CADPS2: variants seen among roughly 807,000 people sequenced by gnomAD.
CADPS2 encodes the protein calcium-dependent secretion activator 2.
A neutral mutation model predicts 172.5 loss-of-function variants in CADPS2; 93 were observed. The ratio of observed to expected loss-of-function variants is 0.54; its 90% confidence interval spans 0.46 to 0.64. The LOEUF is 0.64. CADPS2 is among the 30% of genes least tolerant of loss of function. The pLI is 0.00. For missense variants in CADPS2, 1,420 were observed against 1,565.9 expected (o/e 0.91, Z 1.57); for synonymous variants, 546 against 555.2 (o/e 0.98, Z 0.23).
At chr7:122,402,062 G>A (rs943514449) in intron 20 of CADPS2, among the ~76,000 whole-genome samples, 1 of 151,924 alleles carries the variant, frequency 6.6e-6, no homozygotes, top group African/African-American at 2.4e-5. Flanking sequence ...AATAGAAACC[G>A]AATTTGCTGT....
At chr7:122,775,749 T>TA (rs2093860838) in intron 1 of CADPS2, among the ~76,000 whole-genome samples, 1 of 152,224 alleles carries the variant, frequency 6.6e-6, no homozygotes, top group Non-Finnish European at 1.5e-5. Context: ...TCCTGGATTG[T>TA]ATTGATGTTA....
chr7:122,339,814 A>G (rs995235150), intron 28 of CADPS2, among the ~76,000 whole-genome samples: 3 of 152,112 alleles, frequency 2.0e-5, no homozygotes, highest in Non-Finnish European at 4.4e-5. Flanking sequence ...TGAACCTGGA[A>G]GTGGAGGTTG....
intron 1 of CADPS2, among the ~76,000 whole-genome samples, chr7:122,869,727 G>A (rs1819259257): frequency 6.6e-6 from 1 of 152,048 alleles, no homozygotes; most frequent in Non-Finnish European, 1.5e-5. Flanking sequence ...TCTCTAGTAT[G>A]AAGATTAAAA....
At chr7:122,784,220 C>G (rs1793481332) in intron 1 of CADPS2, among the ~76,000 whole-genome samples, 1 of 152,152 alleles carries the variant, frequency 6.6e-6, no homozygotes, top group Admixed American at 6.5e-5. Flanking sequence ...TCTCATCCTC[C>G]TCCCTAAGAT....
intron 1 of CADPS2, among the ~76,000 whole-genome samples, chr7:122,837,348 C>T (rs1808815188): frequency 6.6e-6 from 1 of 152,062 alleles, no homozygotes; most frequent in Non-Finnish European, 1.5e-5. Flanking sequence ...AATTGAAACC[C>T]TAACATCACA....
intron 28 of CADPS2, among the ~76,000 whole-genome samples, chr7:122,334,606 C>T (rs1293326894): frequency 1.3e-5 from 2 of 152,152 alleles, no homozygotes; most frequent in Admixed American, 6.5e-5. Flanking sequence ...CTCACAGTCA[C>T]GTCATTTGAT....
intron 1 of CADPS2, among the ~76,000 whole-genome samples, chr7:122,821,159 A>T (rs1803151982): frequency 6.6e-6 from 1 of 151,832 alleles, no homozygotes; most frequent in South Asian, 2.1e-4. Flanking sequence ...TATCTCTCTG[A>T]TCCACCTTAC....
chr7:122,855,570 A>C (rs545183647), intron 1 of CADPS2, among the ~76,000 whole-genome samples: 33 of 152,316 alleles, frequency 2.2e-4, no homozygotes, highest in African/African-American at 7.7e-4. Context: ...GGTAGGGGCA[A>C]AGTATGGTCT....
intron 12 of CADPS2, among the ~76,000 whole-genome samples, chr7:122,476,985 C>CGGGAGGGGAG (rs1336576970): frequency 2.5e-4 from 1 of 4,038 alleles, no homozygotes; most frequent in Non-Finnish European, 6.0e-4. Flanking sequence ...GGAAGGGGGG[C>CGGGAGGGGAG]GGGAGGGGAG....
At chr7:122,492,198 A>T (rs112422482) in intron 9 of CADPS2, among the ~76,000 whole-genome samples, 2,227 of 151,940 alleles carry the variant, frequency 0.015, 30 homozygotes, top group African/African-American at 0.03. Flanking sequence ...ATAAATAAAT[A>T]AATTAATTAA....
chr7:122,470,911 A>G (rs1315975518), intron 14 of CADPS2, among the ~76,000 whole-genome samples: 1 of 152,210 alleles, frequency 6.6e-6, no homozygotes, highest in Non-Finnish European at 1.5e-5. Context: ...GGATTAGGGA[A>G]GTGGCTAAGA....
chr7:122,527,540 G>A (rs1418275148), intron 8 of CADPS2, among the ~76,000 whole-genome samples: 1 of 148,414 alleles, frequency 6.7e-6, no homozygotes, highest in African/African-American at 2.5e-5. Flanking sequence ...AGTAGACAGA[G>A]TACAAAACAT....
chr7:122,473,728 T>G (rs1218810012), intron 13 of CADPS2, among the ~76,000 whole-genome samples: 1 of 152,210 alleles, frequency 6.6e-6, no homozygotes, highest in East Asian at 1.9e-4. Context: ...AGTCCCCATA[T>G]TCTGAGGTGT....
intron 27 of CADPS2, among the ~76,000 whole-genome samples, chr7:122,346,308 C>T (rs2037653031): frequency 6.6e-6 from 1 of 152,100 alleles, no homozygotes; most frequent in Non-Finnish European, 1.5e-5. Flanking sequence ...GTTGAGGTTG[C>T]AGTGAGCTGT....
intron 28 of CADPS2, among the ~76,000 whole-genome samples, chr7:122,342,601 T>C (rs1173996054): frequency 1.3e-5 from 2 of 152,154 alleles, no homozygotes. Context: ...TATATAAAAA[T>C]AGTGTTATAT....
intron 28 of CADPS2, among the ~76,000 whole-genome samples, chr7:122,343,165 G>T (rs1353750710): frequency 1.3e-5 from 2 of 152,004 alleles, no homozygotes; most frequent in Non-Finnish European, 2.9e-5. Context: ...TAGAATTAGG[G>T]TCTATTTTTA....
chr7:122,420,051 G>A (rs1357154123), intron 17 of CADPS2, among the ~76,000 whole-genome samples: 2 of 152,062 alleles, frequency 1.3e-5, no homozygotes, highest in Non-Finnish European at 2.9e-5. Context: ...AGAGGTTGAA[G>A]GTGTCTGAGG....
At chr7:122,846,107 T>C (rs1811925451) in intron 1 of CADPS2, among the ~76,000 whole-genome samples, 1 of 152,220 alleles carries the variant, frequency 6.6e-6, no homozygotes, top group African/African-American at 2.4e-5. Context: ...GGGTACTAAA[T>C]GGCAAACATT....
chr7:122,729,300 GC>G (rs1242387731), intron 2 of CADPS2, among the ~76,000 whole-genome samples: 2 of 151,652 alleles, frequency 1.3e-5, no homozygotes, highest in African/African-American at 4.8e-5. Flanking sequence ...CCACATCTTT[GC>G]TATTGGGAAT....
Sources: allele counts gnomAD v4.1 joint callset (sites outside exome capture counted in the v4.1 genomes callset), GRCh38; gene constraint gnomAD v4.1.1; transcripts MANE v1.5; gene names NCBI Gene and HGNC (gene_info 2026-07-23, HGNC 2026-07-21).